The following HS6ST2 variants were observed in gnomAD, a reference collection of about 807,000 sequenced individuals.
HS6ST2 encodes the protein heparan sulfate 6-O-sulfotransferase 2.
HS6ST2 carries 17 observed loss-of-function variants against 33.0 expected under a neutral mutation model. The observed-to-expected ratio is 0.52, with a 90% CI of 0.35 to 0.77. HS6ST2 has a LOEUF of 0.77. Among genes scored for constraint, HS6ST2 ranks in the 30% least tolerant of loss-of-function variants. The probability of loss-of-function intolerance (pLI) is 0.01; values close to 1 mark genes in which losing one functional copy is unlikely to be tolerated. For synonymous variants in HS6ST2, 248 were observed against 237.1 expected (o/e 1.05, Z -0.42); for missense variants, 519 against 551.7 (o/e 0.94, Z 0.59).
At position 132,729,340 on chromosome X, in the gene HS6ST2, GGGGA is replaced by G. The variant is rs759303409; in HGVS notation, c.948-20850_948-20847del. On this transcript the variant is annotated intron_variant, in intron 2 of 4. Coordinates refer to ENST00000370833, the MANE Select transcript of HS6ST2 (RefSeq NM_001394073.1). ...TAAATAAAGAGGGGATACAGTGAAG[GGGGA>G]GGGAGTGAGAGAAGAGCTGCCATTC... Among the ~76,000 whole-genome samples, 377 of 112,137 alleles carry G rather than the reference GGGGA, an allele frequency of 3.4e-3. 2 individuals are homozygous for G. The highest frequency in any genetic ancestry group is 0.012 in the African/African-American group (368 of 30,885).
intron 2 of HS6ST2, among the ~76,000 whole-genome samples, chrX:132,750,347 GAAAAAAA>G (rs1156312851): frequency 2.1e-4 from 12 of 56,384 alleles, no homozygotes; most frequent in Admixed American, 7.8e-4. Context: ...TGCCCATCAA[GAAAAAAA>G]AAAAAAAAAA....
At chrX:132,882,485 G>C (rs1251087592) in intron 2 of HS6ST2, among the ~76,000 whole-genome samples, 13 of 103,985 alleles carry the variant, frequency 1.3e-4, no homozygotes, top group Non-Finnish European at 2.2e-4. Flanking sequence ...TGTATCCTGA[G>C]ACTTTGCTGA....
intron 2 of HS6ST2, among the ~76,000 whole-genome samples, chrX:132,728,959 T>G (rs1302141156): frequency 8.9e-6 from 1 of 112,708 alleles, no homozygotes; most frequent in Non-Finnish European, 1.9e-5. Context: ...CCCTCCACCT[T>G]CAGCCTGTAT....
chrX:132,787,983 T>G (rs1439612645), intron 2 of HS6ST2, among the ~76,000 whole-genome samples: 1 of 111,850 alleles, frequency 8.9e-6, no homozygotes, highest in Non-Finnish European at 1.9e-5. Context: ...TTCAAGGCAT[T>G]TCTCTTTGTT....
In HS6ST2 at chrX:132,949,359, ATATAATTTATAAATTAAAATT is replaced by A. The variant is rs2066986727; in HGVS notation, c.947+7428_947+7448del. Among the ~76,000 whole-genome samples the A allele has an allele frequency of 1.5e-4, 16 of 110,316 alleles. No homozygotes were observed. The South Asian group carries it at 6.3e-3, about 43-fold the overall frequency. ...TGTACCACTATTAACTTCCTGTTCC[ATATAATTTATAAATTAAAATT>A]TATAATTTATAAATGAGAAAGAAAC... On this transcript the variant is annotated intron_variant, in intron 2 of 4. Transcript: ENST00000370833.
chrX:132,805,043 C>T (rs1015036516), intron 2 of HS6ST2, among the ~76,000 whole-genome samples: 9 of 111,029 alleles, frequency 8.1e-5, no homozygotes, highest in Non-Finnish European at 1.7e-4. Flanking sequence ...GTTCAGTGTG[C>T]CTCTCAGAGG....
At chrX:132,853,365 C>A (rs2065823302) in intron 2 of HS6ST2, among the ~76,000 whole-genome samples, 1 of 105,288 alleles carries the variant, frequency 9.5e-6, no homozygotes, top group Admixed American at 1.0e-4. Flanking sequence ...TGCTTTGTTG[C>A]CCAGGCTTGT....
intron 3 of HS6ST2, among the ~76,000 whole-genome samples, chrX:132,684,248 C>CAA (rs2063997329): frequency 9.7e-6 from 1 of 102,794 alleles, no homozygotes; most frequent in African/African-American, 3.5e-5. Flanking sequence ...TATATACACA[C>CAA]ACACATATAT....
intron 2 of HS6ST2, among the ~76,000 whole-genome samples, chrX:132,811,598 A>G (rs1172239812): frequency 9.8e-6 from 1 of 101,761 alleles, no homozygotes; most frequent in East Asian, 3.1e-4. Flanking sequence ...TTCACTTAGC[A>G]TAATGTCTTC....
chrX:132,953,693 C>A (rs2067039200), intron 2 of HS6ST2, among the ~76,000 whole-genome samples: 1 of 112,252 alleles, frequency 8.9e-6, no homozygotes, highest in Admixed American at 9.4e-5. Flanking sequence ...CCTCTGCAAT[C>A]TAGCCACAAA....
intron 3 of HS6ST2, among the ~76,000 whole-genome samples, chrX:132,692,185 G>A (rs1440979328): frequency 1.8e-5 from 2 of 111,432 alleles, no homozygotes; most frequent in East Asian, 5.7e-4. Flanking sequence ...CTCCTACTGA[G>A]GACTTTTGCC....
At chrX:132,815,529 G>A (rs2065386318) in intron 2 of HS6ST2, among the ~76,000 whole-genome samples, 1 of 111,999 alleles carries the variant, frequency 8.9e-6, no homozygotes. Context: ...TGCTCCAGAA[G>A]TTTGTATTGT....
chrX:132,956,708 C>A (rs994709920), intron 2 of HS6ST2, 100 bp downstream of exon 2: 2 of 981,519 alleles, frequency 2.0e-6, no homozygotes, highest in African/African-American at 4.1e-5. Flanking sequence ...AACGCCCGGG[C>A]GTCAGGGTGC....
At chrX:132,741,913 A>C (rs987032556) in intron 2 of HS6ST2, among the ~76,000 whole-genome samples, 2 of 111,897 alleles carry the variant, frequency 1.8e-5, no homozygotes, top group African/African-American at 6.5e-5. Context: ...ATTAATAACA[A>C]TGCCAACTCC....
chrX:132,690,555 ATCT>A, intron 3 of HS6ST2, among the ~76,000 whole-genome samples: 1 of 111,788 alleles, frequency 8.9e-6, no homozygotes, highest in African/African-American at 3.3e-5. Context: ...TGTTCTCTTT[ATCT>A]TCTTCTGTTT....
chrX:132,905,981 A>G (rs1415844417), intron 2 of HS6ST2, among the ~76,000 whole-genome samples: 1 of 111,362 alleles, frequency 9.0e-6, no homozygotes, highest in Non-Finnish European at 1.9e-5. Context: ...AGCCGAGATC[A>G]TGCCACTGCA....
At chrX:132,948,627 C>A (rs1045993559) in intron 2 of HS6ST2, among the ~76,000 whole-genome samples, 1 of 111,966 alleles carries the variant, frequency 8.9e-6, no homozygotes, top group Non-Finnish European at 1.9e-5. Flanking sequence ...TGCAATAAGA[C>A]CAACTGAATA....
At chrX:132,636,840 T>A (rs1342676721) in intron 4 of HS6ST2, among the ~76,000 whole-genome samples, 2 of 112,248 alleles carry the variant, frequency 1.8e-5, no homozygotes, top group African/African-American at 6.5e-5. Flanking sequence ...GGACACTTTC[T>A]TACACCAACT....
intron 2 of HS6ST2, among the ~76,000 whole-genome samples, chrX:132,742,870 T>G (rs1403165169): frequency 8.9e-6 from 1 of 111,836 alleles, no homozygotes; most frequent in Non-Finnish European, 1.9e-5. Flanking sequence ...CCTTATAGAG[T>G]CCTGTCTAGG....
Sources: allele counts gnomAD v4.1 joint callset (sites outside exome capture counted in the v4.1 genomes callset), GRCh38; gene constraint gnomAD v4.1.1; transcripts MANE v1.5; gene names NCBI Gene and HGNC (gene_info 2026-07-23, HGNC 2026-07-21).